Variants in NTM observed in about 807,000 individuals in gnomAD.
NTM encodes the protein IgLON family member 2.
In NTM, 13 loss-of-function variants were observed where a neutral mutation model predicts 42.1. The ratio of observed to expected loss-of-function variants is 0.31; its 90% CI spans 0.20 to 0.49. The LOEUF (loss-of-function observed/expected upper bound fraction) is 0.49. Ranked by LOEUF, NTM falls within the 20% of genes least tolerant of loss-of-function variation. NTM has a pLI of 0.99. For synonymous variants in NTM, 187 were observed against 179.2 expected, an observed-to-expected ratio of 1.04 and a Z score of -0.35; for missense variants, 373 against 452.8, an observed-to-expected ratio of 0.82 and a Z score of 1.60.
intron 4 of NTM, among the ~76,000 whole-genome samples, chr11:132,300,910 ATTG>A: frequency 6.6e-6 from 1 of 152,028 alleles, no homozygotes; most frequent in South Asian, 2.1e-4. Context: ...TTTGAGCCTT[ATTG>A]TTCTATGCTT....
chr11:132,019,774 T>A (rs939763657), intron 2 of NTM, among the ~76,000 whole-genome samples: 3 of 152,106 alleles, frequency 2.0e-5, no homozygotes, highest in Admixed American at 1.3e-4. Context: ...AGATAGCTTA[T>A]AAGAAATTGG....
Position 131,428,968 on chromosome 11 carries a change from T to C in NTM, c.82+58080T>C, listed in dbSNP as rs368203019. 2.5e-4 allele frequency among the ~76,000 whole-genome samples: 38 copies of C among 151,484 alleles called. 1 individual carries two copies. The highest frequency in any genetic ancestry group is 9.0e-4 in the African/African-American group (37 of 41,232). Reference sequence around the variant, plus strand: ...TACTTGGGAGCCTGAAGCAGGAGAATTGTTCGAACCCAGGAGGTGGAGGTT... The same window carrying C: ...TACTTGGGAGCCTGAAGCAGGAGAACTGTTCGAACCCAGGAGGTGGAGGTT... On this transcript the variant is annotated intron_variant, in intron 1 of 8. Transcript: ENST00000683400.
At chr11:131,980,584 T>C (rs1289489391) in intron 2 of NTM, among the ~76,000 whole-genome samples, 1 of 151,968 alleles carries the variant, frequency 6.6e-6, no homozygotes, top group Non-Finnish European at 1.5e-5. Context: ...AGAAATAGAG[T>C]GAGTTTTCAC....
chr11:131,617,870 G>A (rs1041734444), intron 1 of NTM, among the ~76,000 whole-genome samples: 4 of 152,146 alleles, frequency 2.6e-5, no homozygotes, highest in African/African-American at 9.7e-5. Context: ...AGACCAGAAG[G>A]CAGATAGGCA....
intron 1 of NTM, among the ~76,000 whole-genome samples, chr11:131,873,728 G>T: frequency 7.2e-6 from 1 of 139,826 alleles, no homozygotes; most frequent in Admixed American, 7.4e-5. Context: ...CACTTTTAAT[G>T]TATATATATC....
At position 131,623,562 on chromosome 11, in the gene NTM, A is replaced by G. The variant is rs1367051778; in HGVS notation, c.82+252674A>G. Among the ~76,000 whole-genome samples the G allele has an allele frequency of 2.0e-5, 3 of 152,244 alleles. No homozygotes were observed. The East Asian group carries it at 5.8e-4, about 29-fold the overall frequency. On this transcript the variant is annotated intron_variant, in intron 1 of 8. Transcript: ENST00000683400. ...TGTTTAAATGAAAATTCATTTGGAT[A>G]GCAGCATGCTAGGAGCAAGACAGCA... is the stretch of plus-strand genomic sequence containing the variant.
chr11:131,956,323 A>T (rs115239059), intron 2 of NTM, among the ~76,000 whole-genome samples: 160 of 152,276 alleles, frequency 1.1e-3, no homozygotes, highest in African/African-American at 3.7e-3. Flanking sequence ...CTAGTTATTA[A>T]ATATATGATC....
chr11:131,475,975 C>T (rs1055040328), intron 1 of NTM, among the ~76,000 whole-genome samples: 9 of 151,576 alleles, frequency 5.9e-5, no homozygotes, highest in East Asian at 1.9e-4. Context: ...TGGGTATTTA[C>T]CTGGAACTTG....
At chr11:131,528,176 A>T (rs899244781) in intron 1 of NTM, among the ~76,000 whole-genome samples, 1 of 152,136 alleles carries the variant, frequency 6.6e-6, no homozygotes, top group African/African-American at 2.4e-5. Flanking sequence ...GTTTTTATTT[A>T]ACTTCTTAAA....
chr11:132,194,358 AC>A lies in NTM; in HGVS notation c.401-17663del, dbSNP rs201357266. ...GTTTCACTAAATAGAATTAAAAAAA[AC>A]AAAATAACATGATCGTCTCAATAAA... On this transcript the variant is annotated intron_variant, in intron 3 of 8. Coordinates refer to ENST00000683400, the MANE Select transcript of NTM (RefSeq NM_001352005.2). Among the ~76,000 whole-genome samples the A allele has an allele frequency of 7.2e-3, 1,082 of 151,282 alleles. 7 individuals are homozygous for A. Among genetic ancestry groups the A allele is most frequent in the South Asian group, 0.016 (76 of 4,826 alleles).
At chr11:132,219,639 C>T (rs1007297917) in intron 4 of NTM, among the ~76,000 whole-genome samples, 11 of 152,030 alleles carry the variant, frequency 7.2e-5, no homozygotes, top group Admixed American at 2.6e-4. Flanking sequence ...TCCCCCCCCA[C>T]TGTCTTCCTC....
intron 2 of NTM, among the ~76,000 whole-genome samples, chr11:132,001,193 C>A (rs2135285078): frequency 6.6e-6 from 1 of 152,276 alleles, no homozygotes. Flanking sequence ...ATTGTGGTCC[C>A]TTTAAGTTTA....
At chr11:132,112,598 G>A (rs1042560709) in intron 2 of NTM, among the ~76,000 whole-genome samples, 8 of 152,066 alleles carry the variant, frequency 5.3e-5, no homozygotes, top group South Asian at 2.1e-4. Flanking sequence ...GCCAAGAGGC[G>A]GCCTTCCACT....
intron 1 of NTM, among the ~76,000 whole-genome samples, chr11:131,625,565 T>A (rs1447827055): frequency 6.6e-6 from 1 of 152,076 alleles, no homozygotes; most frequent in Non-Finnish European, 1.5e-5. Context: ...GCTTCATTTT[T>A]TTTTTTCAGA....
At chr11:131,370,909 T>G (rs754883119) in intron 1 of NTM, 21 bp downstream of exon 1, 1 of 1,613,148 alleles carries the variant, frequency 6.2e-7, no homozygotes, top group Non-Finnish European at 8.5e-7. Context: ...GCTATTGATT[T>G]GCCTTCGGTA....
chr11:131,886,832 C>A (rs2050484543), intron 1 of NTM, among the ~76,000 whole-genome samples: 1 of 152,226 alleles, frequency 6.6e-6, no homozygotes, highest in African/African-American at 2.4e-5. Context: ...TGAGGAAGGG[C>A]TTGCTGGTCT....
Position 131,377,405 on chromosome 11 carries a change from G to A in NTM, c.82+6517G>A, listed in dbSNP as rs545795796. 3.3e-5 allele frequency among the ~76,000 whole-genome samples: 5 copies of A among 152,276 alleles called. No homozygotes were observed. In the East Asian group the frequency reaches 9.7e-4, roughly 29 times the overall value. ...TATGCCCTGACTTCTGCACAGAACT[G>A]GAGGGCCAAGAAGATAAAAGGAGAA... On this transcript the variant is annotated intron_variant, in intron 1 of 8. Transcript: ENST00000683400.
At chr11:132,329,455 G>T (rs907363182) in intron 7 of NTM, among the ~76,000 whole-genome samples, 2 of 152,214 alleles carry the variant, frequency 1.3e-5, no homozygotes, top group Non-Finnish European at 2.9e-5. Context: ...CTACAGGGAG[G>T]TCCCAGCAAG....
At chr11:132,332,949 G>A (rs2095828143) in intron 8 of NTM, among the ~76,000 whole-genome samples, 2 of 152,164 alleles carry the variant, frequency 1.3e-5, no homozygotes, top group Admixed American at 1.3e-4. Flanking sequence ...CAGGGAGGGA[G>A]CGGGAGACGG....
Sources: allele counts gnomAD v4.1 joint callset (sites outside exome capture counted in the v4.1 genomes callset), GRCh38; gene constraint gnomAD v4.1.1; transcripts MANE v1.5; gene names NCBI Gene and HGNC (gene_info 2026-07-23, HGNC 2026-07-21).